The following NEURL1 variants were observed in gnomAD, a reference collection of about 807,000 sequenced individuals.
The protein encoded by NEURL1 is E3 ubiquitin-protein ligase NEURL1.
NEURL1 carries 26 observed loss-of-function variants against 41.2 expected under a neutral mutation model. The ratio of observed to expected loss-of-function variants is 0.63; its 90% CI spans 0.46 to 0.87. The LOEUF is 0.87. Ranked by LOEUF, NEURL1 falls within the 40% of genes least tolerant of loss-of-function variation. The pLI, the probability that NEURL1 is intolerant of heterozygous loss-of-function variation, is 0.00. For synonymous variants in NEURL1, 400 were observed against 402.3 expected, an observed-to-expected ratio of 0.99 and a Z score of 0.07; for missense variants, 761 against 871.1, an observed-to-expected ratio of 0.87 and a Z score of 1.59.
At chr10:103,548,309 C>T (rs1394017978) in intron 1 of NEURL1, among the ~76,000 whole-genome samples, 1 of 151,508 alleles carries the variant, frequency 6.6e-6, no homozygotes, top group Non-Finnish European at 1.5e-5. Flanking sequence ...TATTTCTCCT[C>T]CTTGGGGTAA....
At chr10:103,511,821 G>A (rs1270526231) in intron 1 of NEURL1, 1 of 152,264 alleles carries the variant, frequency 6.6e-6, no homozygotes, top group African/African-American at 2.4e-5. Context: ...GCTTACTGCT[G>A]TATCACCACC....
rs2035424516 is a variant in NEURL1, at chr10:103,566,366, A to G, written c.86-4506A>G. ...CTTCCTTCCTGCCTCTTTGTAGTCA[A>G]ATCTCTCCCCTACTCTCCTTCTCTG... On this transcript the variant is annotated intron_variant, in intron 1 of 5. Coordinates refer to ENST00000369780, the MANE Select transcript of NEURL1 (RefSeq NM_004210.5). The surrounding 1 kb of genome is among the most constrained non-coding windows in gnomAD (Gnocchi z 4.2). Among the ~76,000 whole-genome samples the G allele has an allele frequency of 6.6e-6, 1 of 152,120 alleles. No individual in the cohort carries two copies. The highest frequency in any genetic ancestry group is 2.1e-4 in the South Asian group (1 of 4,818).
At chr10:103,526,275 C>G (rs767493994) in intron 1 of NEURL1, among the ~76,000 whole-genome samples, 2 of 151,942 alleles carry the variant, frequency 1.3e-5, no homozygotes, top group Non-Finnish European at 2.9e-5. Flanking sequence ...AGAATTCTTT[C>G]CCCCTTAATT....
At chr10:103,519,717 G>A (rs918683380) in intron 1 of NEURL1, among the ~76,000 whole-genome samples, 11 of 151,738 alleles carry the variant, frequency 7.2e-5, no homozygotes, top group Non-Finnish European at 1.0e-4. Flanking sequence ...TTACACCATC[G>A]TCATCACTTT....
chr10:103,530,145 C>A (rs1001495822), intron 1 of NEURL1, among the ~76,000 whole-genome samples: 7 of 152,018 alleles, frequency 4.6e-5, no homozygotes, highest in African/African-American at 1.7e-4. Context: ...TCAAAAAAAA[C>A]CAACTTTTTT....
intron 1 of NEURL1, among the ~76,000 whole-genome samples, chr10:103,540,581 C>T (rs1489111766): frequency 3.3e-5 from 5 of 152,158 alleles, no homozygotes; most frequent in African/African-American, 9.7e-5. Context: ...CGAACCACCA[C>T]GCCCAGCCTT....
In NEURL1 at chr10:103,556,792, C is replaced by G. The variant is rs375956638; in HGVS notation, c.86-14080C>G. ...TGGCCGGAGAGTTGGATTGGGCTGA[C>G]CTGAGCCTGGCCTTGCCCGTCTGTG... On this transcript the variant is annotated intron_variant, in intron 1 of 5. Transcript: ENST00000369780. The surrounding 1 kb of genome is among the most constrained non-coding windows in gnomAD (Gnocchi z 4.4). Among the ~76,000 whole-genome samples the G allele has an allele frequency of 2.0e-5, 3 of 152,176 alleles. No homozygotes were observed. Among genetic ancestry groups the G allele is most frequent in the African/African-American group, 7.2e-5 (3 of 41,452 alleles).
Position 103,590,534 on chromosome 10 carries a change from G to A in NEURL1, c.*162G>A. 2 of 629,468 alleles carry A rather than the reference G, an allele frequency of 3.2e-6. No individual in the cohort carries two copies. Among genetic ancestry groups the A allele is most frequent in the East Asian group, 2.7e-5 (1 of 36,404 alleles). 39.0% of individuals were successfully genotyped at this position (629,468 alleles called of 1,614,324 possible). A position where few individuals can be genotyped will look rare whatever the true frequency, so the allele number is the denominator to read the frequency against. On this transcript the variant is annotated 3_prime_UTR_variant, in exon 6 of 6. Transcript: ENST00000369780. ...GCCCTTGAAGGTTTGGGGAGAGGGG[G>A]GTATCAGGCAGGGAGGGGGCAGAGG...
chr10:103,535,207 A>AG (rs2034665452), intron 1 of NEURL1, among the ~76,000 whole-genome samples: 1 of 152,088 alleles, frequency 6.6e-6, no homozygotes, highest in African/African-American at 2.4e-5. Flanking sequence ...TTGGGCACTG[A>AG]GGGGGCAAGA....
intron 3 of NEURL1, among the ~76,000 whole-genome samples, chr10:103,573,921 T>A (rs1025624192): frequency 2.6e-5 from 4 of 152,242 alleles, no homozygotes; most frequent in African/African-American, 9.6e-5. Flanking sequence ...GTGGTGCTGG[T>A]GCTTCTCTCA....
chr10:103,506,598 C>T (rs1201003270), intron 1 of NEURL1, among the ~76,000 whole-genome samples: 2 of 151,326 alleles, frequency 1.3e-5, no homozygotes, highest in Non-Finnish European at 2.9e-5. Context: ...CTCACTCTGT[C>T]GCCCAGGCTG....
intron 1 of NEURL1, among the ~76,000 whole-genome samples, chr10:103,536,328 GAGGTC>G (rs1234397310): frequency 2.0e-5 from 3 of 152,184 alleles, no homozygotes; most frequent in African/African-American, 7.2e-5. Context: ...TGGATCACCT[GAGGTC>G]AGGAGTTTGA....
intron 1 of NEURL1, among the ~76,000 whole-genome samples, chr10:103,539,448 TA>T (rs1346037684): frequency 6.6e-6 from 1 of 152,242 alleles, no homozygotes; most frequent in Non-Finnish European, 1.5e-5. Flanking sequence ...TTCATTCTCT[TA>T]AAAGAGACTT....
intron 1 of NEURL1, among the ~76,000 whole-genome samples, chr10:103,505,960 G>C (rs2033936744): frequency 6.6e-6 from 1 of 152,230 alleles, no homozygotes; most frequent in Non-Finnish European, 1.5e-5. Flanking sequence ...ACTGTGTGGG[G>C]ACAGGGGAGG....
Position 103,590,447 on chromosome 10 carries a change from G to A in NEURL1, c.*75G>A, listed in dbSNP as rs2133888248. ...AGTCCCAGCTGAGGAACAAGCCAGT[G>A]GGGCCCCTTCTCTTCCTCATTTTGG... is the stretch of plus-strand genomic sequence containing the variant. On this transcript the variant is annotated 3_prime_UTR_variant, in exon 6 of 6. Coordinates refer to ENST00000369780, the MANE Select transcript of NEURL1 (RefSeq NM_004210.5). 6.2e-6 allele frequency: 8 copies of A among 1,283,002 alleles called. No individual in the cohort carries two copies. The highest frequency in any genetic ancestry group is 2.9e-5 in the African/African-American group (2 of 68,266). The allele number at this position is 1,283,002 out of a possible 1,614,324, so 79.5% of individuals were successfully genotyped here.
rs1395612426 is a variant in NEURL1, at chr10:103,590,597, G to A, written c.*225G>A. On this transcript the variant is annotated 3_prime_UTR_variant, in exon 6 of 6. Transcript: ENST00000369780. ...CAGAGGGAGGGGAGGAGAGGAGGCC[G>A]CACTCTCCCTGTCTCTCCCGTCTCT... 1.2e-5 allele frequency: 7 copies of A among 576,196 alleles called. No homozygotes were observed. Among genetic ancestry groups the A allele is most frequent in the African/African-American group, 3.8e-5 (2 of 53,324 alleles). 35.7% of individuals were successfully genotyped at this position (576,196 alleles called of 1,614,324 possible).
chr10:103,494,604 G>A, intron 1 of NEURL1, 132 bp downstream of exon 1: 4 of 809,652 alleles, frequency 4.9e-6, no homozygotes, highest in Non-Finnish European at 7.5e-6. Context: ...TCTGGCCGTG[G>A]AGTGGGCTGG....
In NEURL1 at chr10:103,558,110, C is replaced by A; in HGVS notation, c.86-12762C>A. 1.2e-6 allele frequency: 1 copy of A among 829,362 alleles called. No homozygotes were observed. The highest frequency in any genetic ancestry group is 1.5e-6 in the Non-Finnish European group (1 of 687,492). 51.4% of individuals were successfully genotyped at this position (829,362 alleles called of 1,614,324 possible). A position where few individuals can be genotyped will look rare whatever the true frequency, so the allele number is the denominator to read the frequency against. On this transcript the variant is annotated intron_variant, in intron 1 of 5. Coordinates refer to ENST00000369780, the MANE Select transcript of NEURL1 (RefSeq NM_004210.5). The surrounding 1 kb of genome is among the most constrained non-coding windows in gnomAD (Gnocchi z 4.2). The stretch of plus-strand genomic sequence containing the variant: ...GGTCAGGCTGGTCTTGAATTCCTGA[C>A]CTCGTGATCCACCTGTGTCGGCCTC...
chr10:103,582,181 T>G (rs551605009), intron 3 of NEURL1, among the ~76,000 whole-genome samples: 28 of 152,256 alleles, frequency 1.8e-4, no homozygotes, highest in Admixed American at 3.9e-4. Flanking sequence ...TTCTCCCTGC[T>G]GTTACTGCCC....
Sources: allele counts gnomAD v4.1 joint callset (sites outside exome capture counted in the v4.1 genomes callset), GRCh38; gene constraint gnomAD v4.1.1; non-coding constraint Gnocchi (gnomAD v3.1); transcripts MANE v1.5; gene names NCBI Gene and HGNC (gene_info 2026-07-23, HGNC 2026-07-21).